The following ARHGAP35 variants were observed in gnomAD, a reference collection of about 807,000 sequenced individuals.
ARHGAP35 encodes rho GTPase-activating protein 35.
Under a neutral mutation model 111.1 loss-of-function variants are expected in ARHGAP35, and 15 were observed. That is an observed-to-expected ratio of 0.13 (90% CI 0.09 to 0.21). The LOEUF (loss-of-function observed/expected upper bound fraction) is 0.21. Among genes scored for constraint, ARHGAP35 ranks in the 10% least tolerant of loss-of-function variants. The pLI is 1.00. For synonymous variants in ARHGAP35, 643 were observed against 710.3 expected (o/e 0.91, Z 1.51); for missense variants, 1,262 against 1,873.0 (o/e 0.67, Z 6.02).
intron 2 of ARHGAP35, among the ~76,000 whole-genome samples, chr19:46,929,702 T>C (rs1040733525): frequency 4.2e-5 from 6 of 141,508 alleles, no homozygotes; most frequent in African/African-American, 1.6e-4. Context: ...TCACTTGAGG[T>C]CGGGAGTTCA....
chr19:46,949,844 A>T (rs555516351), intron 3 of ARHGAP35, among the ~76,000 whole-genome samples: 9 of 152,360 alleles, frequency 5.9e-5, no homozygotes, highest in African/African-American at 1.9e-4. Flanking sequence ...AATGTTAGCC[A>T]TTATTTTGGT....
chr19:46,982,374 GGCTGAGCCATGAGAATC>G (rs2056625573), intron 3 of ARHGAP35, among the ~76,000 whole-genome samples: 2 of 152,024 alleles, frequency 1.3e-5, no homozygotes, highest in Admixed American at 1.3e-4. Flanking sequence ...CTACTCGGGA[GGCTGAGCCATGAGAATC>G]GCTTGAACCC....
intron 1 of ARHGAP35, among the ~76,000 whole-genome samples, chr19:46,900,256 C>G (rs1294625290): frequency 7.2e-6 from 1 of 138,798 alleles, no homozygotes; most frequent in East Asian, 2.1e-4. Context: ...GAGTCTCACT[C>G]TGTCACCCAA....
At chr19:46,900,901 G>C (rs2056080995) in intron 1 of ARHGAP35, among the ~76,000 whole-genome samples, 1 of 152,144 alleles carries the variant, frequency 6.6e-6, no homozygotes. Flanking sequence ...CTGCTCAGTG[G>C]GACCTGCTCT....
At chr19:46,874,317 T>C (rs1328709144) in intron 1 of ARHGAP35, among the ~76,000 whole-genome samples, 1 of 152,116 alleles carries the variant, frequency 6.6e-6, no homozygotes, top group Non-Finnish European at 1.5e-5. Flanking sequence ...CACTGTTTCT[T>C]TACCAGAATG....
At position 46,993,509 on chromosome 19, in the gene ARHGAP35, C is replaced by G. The variant is rs1274733461; in HGVS notation, c.4036+3834C>G. ...GTTTGACCTTGGACCGGTATTCTGGCTTTGTGAGGCCTGGTGTGTCTGTTT... is the reference window on the plus strand; with the variant it reads ...GTTTGACCTTGGACCGGTATTCTGGGTTTGTGAGGCCTGGTGTGTCTGTTT... On this transcript the variant is annotated intron_variant, in intron 5 of 6. Transcript: ENST00000672722. The surrounding 1 kb of genome is among the most constrained non-coding windows in gnomAD (Gnocchi z 4.6). Among the ~76,000 whole-genome samples, 1 of 152,172 alleles carries G rather than the reference C, an allele frequency of 6.6e-6. No homozygotes were observed. The highest frequency in any genetic ancestry group is 2.4e-5 in the African/African-American group (1 of 41,434).
intron 1 of ARHGAP35, among the ~76,000 whole-genome samples, chr19:46,916,003 C>T (rs537631375): frequency 6.9e-6 from 1 of 145,082 alleles, no homozygotes; most frequent in South Asian, 2.2e-4. Flanking sequence ...TGGCGTGTCT[C>T]GGCTCACTGC....
Position 46,918,994 on chromosome 19 carries a change from C to T in ARHGAP35, c.319C>T (p.Pro107Ser). The change falls in exon 2 of 7, where the codon CCT becomes TCT. Residue 107 changes from proline (P) to serine (S), a missense_variant. Coordinates refer to ENST00000672722, the MANE Select transcript of ARHGAP35 (RefSeq NM_004491.5). The surrounding 1 kb of genome is among the most constrained non-coding windows in gnomAD (Gnocchi z 5.4). ...ATTTATTGATGATCAGACTTTTCAA[C>T]CTCATCGAAGCACGGCCCTGCAGCC... Reference protein sequence around the residue: ...TEFIDDQTFQPHRSTALQPYI... With the variant: ...TEFIDDQTFQSHRSTALQPYI... 6.2e-7 allele frequency: 1 copy of T among 1,614,006 alleles called. No individual in the cohort carries two copies. The highest frequency in any genetic ancestry group is 8.5e-7 in the Non-Finnish European group (1 of 1,179,896).
intron 1 of ARHGAP35, among the ~76,000 whole-genome samples, chr19:46,870,827 C>T (rs1489682938): frequency 6.6e-6 from 1 of 151,636 alleles, no homozygotes; most frequent in East Asian, 1.9e-4. Flanking sequence ...TGTGCAAATC[C>T]CCTTTTAAGT....
intron 1 of ARHGAP35, among the ~76,000 whole-genome samples, chr19:46,874,426 A>G (rs1352183987): frequency 6.6e-6 from 1 of 152,002 alleles, no homozygotes; most frequent in African/African-American, 2.4e-5. Flanking sequence ...TGCATTGACT[A>G]GGAAGACAGA....
At chr19:46,906,762 C>G (rs1226130285) in intron 1 of ARHGAP35, among the ~76,000 whole-genome samples, 1 of 152,190 alleles carries the variant, frequency 6.6e-6, no homozygotes, top group Non-Finnish European at 1.5e-5. Flanking sequence ...CAAAACACTG[C>G]TTTCAAATAC....
chr19:47,004,842 A>C lies in ARHGAP35; in HGVS notation c.*4154A>C, dbSNP rs1215833737. On this transcript the variant is annotated 3_prime_UTR_variant, in exon 7 of 7. Coordinates refer to ENST00000672722, the MANE Select transcript of ARHGAP35 (RefSeq NM_004491.5). ...TTAGGAATGTTTGCTTAATTTCCAG[A>C]CTTTTTTTTAAAAACACATCGTGGG... 6.6e-6 allele frequency: 1 copy of C among 152,086 alleles called. No homozygotes were observed. The highest frequency in any genetic ancestry group is 1.5e-5 in the Non-Finnish European group (1 of 68,018). The allele number at this position is 152,086 out of a possible 1,614,324, so 9.4% of individuals were successfully genotyped here.
intron 3 of ARHGAP35, among the ~76,000 whole-genome samples, chr19:46,977,158 C>T (rs2056584286): frequency 6.6e-6 from 1 of 152,194 alleles, no homozygotes; most frequent in African/African-American, 2.4e-5. Flanking sequence ...GGGGGCGTGG[C>T]CCTGTGGGGA....
At chr19:46,931,238 TG>T (rs1289248691) in intron 2 of ARHGAP35, among the ~76,000 whole-genome samples, 5 of 152,322 alleles carry the variant, frequency 3.3e-5, no homozygotes, top group Admixed American at 3.3e-4. Flanking sequence ...AGTACATTAT[TG>T]GAAACTGTTT....
intron 1 of ARHGAP35, among the ~76,000 whole-genome samples, chr19:46,872,104 A>G (rs2055890958): frequency 6.6e-6 from 1 of 152,170 alleles, no homozygotes; most frequent in South Asian, 2.1e-4. Flanking sequence ...AAAAATCTAA[A>G]TGTTTTAACC....
Position 46,945,168 on chromosome 19 carries a change from G to A in ARHGAP35, c.3826+7760G>A, listed in dbSNP as rs1178920821. ...GCCACTGAGAGTGGGAAGGAGGCGG[G>A]GTTGAGGGGGAGCTTAGGAGGCGGG... On this transcript the variant is annotated intron_variant, in intron 3 of 6. Coordinates refer to ENST00000672722, the MANE Select transcript of ARHGAP35 (RefSeq NM_004491.5). This position sits in a 1 kb window ranked among gnomAD's most constrained non-coding sequence, Gnocchi z 4.1. Among the ~76,000 whole-genome samples, 2 of 151,940 alleles carry A rather than the reference G, an allele frequency of 1.3e-5. No individual in the cohort carries two copies. Among genetic ancestry groups the A allele is most frequent in the African/African-American group, 2.4e-5 (1 of 41,410 alleles).
chr19:46,983,837 G>A (rs1309376676), intron 3 of ARHGAP35, among the ~76,000 whole-genome samples: 3 of 152,000 alleles, frequency 2.0e-5, no homozygotes, highest in Admixed American at 6.6e-5. Flanking sequence ...GGATGGACTC[G>A]ATCTCCTGAC....
At chr19:46,874,149 G>A (rs1414505663) in intron 1 of ARHGAP35, among the ~76,000 whole-genome samples, 1 of 152,154 alleles carries the variant, frequency 6.6e-6, no homozygotes, top group African/African-American at 2.4e-5. Context: ...GCAGAAGAGG[G>A]AACAAACTAG....
At chr19:46,894,679 C>T (rs752092982) in intron 1 of ARHGAP35, among the ~76,000 whole-genome samples, 1 of 152,070 alleles carries the variant, frequency 6.6e-6, no homozygotes, top group Non-Finnish European at 1.5e-5. Flanking sequence ...CTCCTGACCT[C>T]AGGTGATCTG....
Sources: allele counts gnomAD v4.1 joint callset (sites outside exome capture counted in the v4.1 genomes callset), GRCh38; gene constraint gnomAD v4.1.1; non-coding constraint Gnocchi (gnomAD v3.1); transcripts MANE v1.5; gene names NCBI Gene and HGNC (gene_info 2026-07-23, HGNC 2026-07-21).